ACTR3C: variants seen among roughly 807,000 people sequenced by gnomAD.
ACTR3C encodes actin related protein 3C.
Under a neutral mutation model 26.3 loss-of-function variants are expected in ACTR3C, and 18 were observed. The observed-to-expected ratio is 0.68, with a 90% CI of 0.47 to 1.01. ACTR3C has a LOEUF of 1.01. Ranked by LOEUF, ACTR3C falls within the 50% of genes least tolerant of loss-of-function variation. The pLI is 0.00. For synonymous variants in ACTR3C, 55 were observed against 94.5 expected (o/e 0.58, Z 2.42); for missense variants, 184 against 250.7 (o/e 0.73, Z 1.80).
the ACTR3C span, among the ~76,000 whole-genome samples, chr7:150,200,467 TA>T: frequency 2.0e-5 from 3 of 151,916 alleles, no homozygotes; most frequent in African/African-American, 7.3e-5. Context: ...GAGCTAAAAA[TA>T]AAACAAGCAA....
At chr7:150,232,244 G>A in the ACTR3C span, among the ~76,000 whole-genome samples, 2 of 151,940 alleles carry the variant, frequency 1.3e-5, no homozygotes, top group Non-Finnish European at 2.9e-5. Context: ...CTTTACTTTT[G>A]ACCTATGTCT....
At chr7:150,163,743 G>A in the ACTR3C span, among the ~76,000 whole-genome samples, 524 of 152,094 alleles carry the variant, frequency 3.4e-3, 2 homozygotes, top group African/African-American at 0.012. Flanking sequence ...AGAAGATGAC[G>A]TGGAGCATCC....
chr7:149,888,981 C>G, the ACTR3C span, among the ~76,000 whole-genome samples: 1 of 151,062 alleles, frequency 6.6e-6, no homozygotes, highest in Admixed American at 6.6e-5. Flanking sequence ...GCACTCCAGC[C>G]TGGGCGACAA....
At chr7:150,237,744 G>T in the ACTR3C span, among the ~76,000 whole-genome samples, 2 of 151,832 alleles carry the variant, frequency 1.3e-5, no homozygotes, top group Non-Finnish European at 2.9e-5. Flanking sequence ...GCCCTGGCAG[G>T]TGTGGGACCT....
At chr7:150,197,591 G>C in the ACTR3C span, among the ~76,000 whole-genome samples, 6 of 152,144 alleles carry the variant, frequency 3.9e-5, no homozygotes, top group African/African-American at 1.2e-4. Context: ...TAACCTCACA[G>C]TTTAAGTTAA....
intron 1 of ACTR3C, among the ~76,000 whole-genome samples, chr7:150,316,132 G>A (rs991706224): frequency 1.3e-5 from 2 of 152,180 alleles, no homozygotes; most frequent in African/African-American, 4.8e-5. Flanking sequence ...GGGAGGTGGA[G>A]GTTGCAGTGA....
the ACTR3C span, among the ~76,000 whole-genome samples, chr7:149,938,526 A>G: frequency 6.6e-6 from 1 of 152,198 alleles, no homozygotes; most frequent in African/African-American, 2.4e-5. Context: ...AGACAGGCTG[A>G]AAAATAAAGG....
At chr7:150,096,774 A>G in the ACTR3C span, among the ~76,000 whole-genome samples, 6 of 152,024 alleles carry the variant, frequency 3.9e-5, no homozygotes, top group African/African-American at 1.2e-4. Context: ...TTCTTTGGCC[A>G]TGGGGCTTGC....
At chr7:150,181,600 GA>G in the ACTR3C span, among the ~76,000 whole-genome samples, 11 of 145,020 alleles carry the variant, frequency 7.6e-5, no homozygotes, top group East Asian at 2.1e-3. Context: ...CACTGTCTCA[GA>G]AAAAAAAGTT....
chr7:150,304,096 T>C (rs1274413223), intron 1 of ACTR3C, among the ~76,000 whole-genome samples: 1 of 152,088 alleles, frequency 6.6e-6, no homozygotes, highest in Admixed American at 6.5e-5. Context: ...GAAGCGAGAA[T>C]AGGAGAGGAG....
the ACTR3C span, among the ~76,000 whole-genome samples, chr7:150,193,991 G>GACACACACACACACACAC: frequency 1.5e-5 from 2 of 131,926 alleles, no homozygotes; most frequent in Admixed American, 7.6e-5. Context: ...TACACACACA[G>GACACACACACACACACAC]ACACACACAC....
At chr7:150,078,785 C>T in the ACTR3C span, among the ~76,000 whole-genome samples, 5 of 152,190 alleles carry the variant, frequency 3.3e-5, no homozygotes, top group Non-Finnish European at 7.3e-5. Context: ...TGAAGAAGAT[C>T]CATTCTCACC....
intron 2 of ACTR3C, among the ~76,000 whole-genome samples, chr7:150,294,604 C>T (rs920422283): frequency 2.6e-5 from 4 of 152,188 alleles, no homozygotes; most frequent in Admixed American, 6.5e-5. Flanking sequence ...TGAATCAGCC[C>T]GAGAAAGCTG....
At chr7:150,046,356 C>G in the ACTR3C span, among the ~76,000 whole-genome samples, 3 of 80,306 alleles carry the variant, frequency 3.7e-5, no homozygotes, top group Admixed American at 1.1e-4. Context: ...CGCCCCCCCC[C>G]CCCCGACCCA....
the ACTR3C span, among the ~76,000 whole-genome samples, chr7:150,035,278 C>G: frequency 1.3e-4 from 8 of 62,280 alleles, no homozygotes; most frequent in African/African-American, 2.9e-4. Flanking sequence ...CAGTCCCTGC[C>G]TCGTGGAGAG....
the ACTR3C span, among the ~76,000 whole-genome samples, chr7:150,038,532 A>T: frequency 7.0e-6 from 1 of 143,298 alleles, no homozygotes; most frequent in African/African-American, 2.7e-5. Context: ...CACAGCCTAC[A>T]AAACCCCACA....
chr7:150,212,449 A>T, the ACTR3C span, among the ~76,000 whole-genome samples: 2 of 148,844 alleles, frequency 1.3e-5, no homozygotes, highest in African/African-American at 5.2e-5. Context: ...CCAAAATAAC[A>T]TAAATAGATT....
intron 1 of ACTR3C, among the ~76,000 whole-genome samples, chr7:150,311,816 C>T (rs1012291649): frequency 6.6e-6 from 1 of 152,202 alleles, no homozygotes; most frequent in African/African-American, 2.4e-5. Flanking sequence ...CCACTACTTC[C>T]CAACAAGCGG....
At chr7:150,145,011 T>G in the ACTR3C span, among the ~76,000 whole-genome samples, 3 of 150,382 alleles carry the variant, frequency 2.0e-5, no homozygotes, top group South Asian at 6.3e-4. Context: ...GATGGCACCA[T>G]TGCACTCCAG....
Sources: gnomAD v4.1 joint callset for allele counts (sites outside exome capture counted in the v4.1 genomes callset) on GRCh38, gnomAD v4.1.1 for gene constraint, MANE v1.5 for transcripts, NCBI Gene and HGNC (gene_info 2026-07-23, HGNC 2026-07-21) for gene names.